Variants in PGS1 observed in about 807,000 individuals in gnomAD.
The protein encoded by PGS1 is phosphatidylglycerophosphate synthase 1.
A neutral mutation model predicts 58.3 loss-of-function variants in PGS1; 44 were observed. That is an observed-to-expected ratio of 0.75 (90% confidence interval 0.59 to 0.97). PGS1 has a LOEUF of 0.97. PGS1 is among the 50% of genes least tolerant of loss of function. The pLI is 0.00. For synonymous variants in PGS1, 330 were observed against 311.0 expected, an observed-to-expected ratio of 1.06 and a Z score of -0.64; for missense variants, 684 against 731.1, an observed-to-expected ratio of 0.94 and a Z score of 0.74.
intron 9 of PGS1, chr17:78,421,742 G>GC (rs2085772374): frequency 6.6e-6 from 1 of 152,100 alleles, no homozygotes; most frequent in South Asian, 2.1e-4. Flanking sequence ...CCACAGCCAG[G>GC]CTTAAGCAAT....
chr17:78,423,880 AGT>A (rs1251940431), intron 9 of PGS1, 179 bp from the exon 10 acceptor site: 4 of 1,612,446 alleles, frequency 2.5e-6, no homozygotes, highest in East Asian at 2.2e-5. Context: ...AGCCCCAGGG[AGT>A]GTGGGCTGTG....
intron 2 of PGS1, among the ~76,000 whole-genome samples, chr17:78,394,171 CCCAAAAAAA>C (rs1237173863): frequency 3.2e-4 from 9 of 27,812 alleles, no homozygotes; most frequent in African/African-American, 1.1e-3. Flanking sequence ...GACTCTATCT[CCCAAAAAAA>C]AAAAAAAAAA....
rs374284907 is a variant in PGS1 at position 78,392,506 on chromosome 17, G to T, written c.174G>T (p.Leu58=). Residue 58 remains leucine (L), a synonymous_variant, in exon 2 of 10, where the codon CTG becomes CTT. Transcript: ENST00000262764. The part of the protein sequence containing the change: ...RSPWLLLAPL[L]SPAVPQVTSP... ...CATGGCTGTTATTGGCTCCCTTGCT[G>T]TCCCCAGCTGTTCCCCAGGTCACCT... 2.5e-5 allele frequency: 40 copies of T among 1,613,522 alleles called. No individual in the cohort carries two copies. Among genetic ancestry groups the T allele is most frequent in the Non-Finnish European group, 3.4e-5 (40 of 1,179,820 alleles).
chr17:78,390,441 A>G (rs1208950677), intron 1 of PGS1, among the ~76,000 whole-genome samples: 4 of 152,182 alleles, frequency 2.6e-5, no homozygotes, highest in African/African-American at 4.8e-5. Flanking sequence ...TTGGCAGTGA[A>G]TCGGCAGTGA....
At position 78,419,669 on chromosome 17, in the gene PGS1, C is replaced by A; in HGVS notation, c.*4C>A. On this transcript the variant is annotated 3_prime_UTR_variant, in exon 9 of 10. Coordinates refer to ENST00000262764, the MANE Select transcript of PGS1 (RefSeq NM_024419.5). Reference sequence around the variant, plus strand: ...ACTGATCAAGAACTTCTTCTGAGGACAGACAGGTGCTGTCTCTAGCATCAC... The same window carrying A: ...ACTGATCAAGAACTTCTTCTGAGGAAAGACAGGTGCTGTCTCTAGCATCAC... 6.2e-7 allele frequency: 1 copy of A among 1,613,772 alleles called. No homozygotes were observed.
chr17:78,385,171 T>G (rs758759968), intron 1 of PGS1, among the ~76,000 whole-genome samples: 23 of 152,210 alleles, frequency 1.5e-4, no homozygotes, highest in Non-Finnish European at 2.8e-4. Context: ...CAGGCTGGAG[T>G]GCAGTGGCGC....
At chr17:78,389,379 G>T (rs1035464386) in intron 1 of PGS1, among the ~76,000 whole-genome samples, 3 of 151,986 alleles carry the variant, frequency 2.0e-5, no homozygotes, top group Admixed American at 2.0e-4. Flanking sequence ...GAGAGACAGG[G>T]TTTCACCATA....
chr17:78,399,619 G>C lies in PGS1; in HGVS notation c.701+82G>C. 4 of 1,399,798 alleles carry C rather than the reference G, an allele frequency of 2.9e-6. No individual in the cohort carries two copies. In the East Asian group the frequency reaches 9.2e-5, roughly 32 times the overall value. 86.7% of individuals were successfully genotyped at this position (1,399,798 alleles called of 1,614,324 possible). On this transcript the variant is annotated intron_variant, in intron 5 of 9. Coordinates refer to ENST00000262764, the MANE Select transcript of PGS1 (RefSeq NM_024419.5). ...GTGGAATAGGAACAGTGGGAAACCC[G>C]TTCCCCTCAGTCTTGGAGAACCTGC...
chr17:78,390,322 GGGT>G (rs145773899), intron 1 of PGS1, among the ~76,000 whole-genome samples: 2 of 87,864 alleles, frequency 2.3e-5, no homozygotes, highest in East Asian at 2.6e-4. Flanking sequence ...CTAGAGACGG[GGGT>G]GGGGGAGGAA....
chr17:78,414,776 A>C (rs2085029741), intron 7 of PGS1, 103 bp from the exon 8 acceptor site: 2 of 1,346,044 alleles, frequency 1.5e-6, no homozygotes, highest in African/African-American at 1.4e-5. Context: ...GTGTCCAGGC[A>C]CCCAGGGCAG....
chr17:78,422,853 T>C (rs1217557399), intron 9 of PGS1, among the ~76,000 whole-genome samples: 1 of 152,122 alleles, frequency 6.6e-6, no homozygotes, highest in Non-Finnish European at 1.5e-5. Flanking sequence ...CCTGGCGCTT[T>C]GGGAGGCCGA....
At chr17:78,389,622 C>CT (rs34954607) in intron 1 of PGS1, among the ~76,000 whole-genome samples, 90,884 of 150,032 alleles carry the variant, frequency 0.61, 27,593 homozygotes, top group Admixed American at 0.65. Context: ...TGCTCGGCCC[C>CT]TTTTTTTTTG....
chr17:78,403,229 C>G (rs1157617388), intron 6 of PGS1, among the ~76,000 whole-genome samples: 8 of 152,136 alleles, frequency 5.3e-5, no homozygotes, highest in Non-Finnish European at 1.2e-4. Flanking sequence ...TATGTCCCCC[C>G]CAAGGAATTA....
rs1213762276 is a variant in PGS1 at position 78,420,009 on chromosome 17, G to A, written c.*10+334G>A. On this transcript the variant is annotated intron_variant, in intron 9 of 9. Coordinates refer to ENST00000262764, the MANE Select transcript of PGS1 (RefSeq NM_024419.5). ...TGGGGCAAGGGCTCAGGGATGAGGGGGCAGAAAGGCAGATTGAGCCCCTCC... is the reference window on the plus strand; with the variant it reads ...TGGGGCAAGGGCTCAGGGATGAGGGAGCAGAAAGGCAGATTGAGCCCCTCC... 3.5e-6 allele frequency: 4 copies of A among 1,145,206 alleles called. No individual in the cohort carries two copies. The South Asian group carries it at 5.7e-5, about 16-fold the overall frequency. The allele number at this position is 1,145,206 out of a possible 1,614,324, so 70.9% of individuals were successfully genotyped here. A position where few individuals can be genotyped will look rare whatever the true frequency, so the allele number is the denominator to read the frequency against.
At chr17:78,419,820 G>T in intron 9 of PGS1, 145 bp downstream of exon 9, 1 of 1,449,038 alleles carries the variant, frequency 6.9e-7, no homozygotes, top group African/African-American at 1.4e-5. Flanking sequence ...TCAGGGGTAT[G>T]GCAGCTGTCC....
chr17:78,407,287 C>G (rs561262570), intron 7 of PGS1, among the ~76,000 whole-genome samples: 2 of 152,298 alleles, frequency 1.3e-5, no homozygotes, highest in African/African-American at 4.8e-5. Flanking sequence ...TCAGAGGTCA[C>G]TTGATGCTGA....
chr17:78,392,574 A>T lies in PGS1; in HGVS notation c.242A>T (p.Gln81Leu). 6.2e-7 allele frequency: 1 copy of T among 1,614,114 alleles called. No individual in the cohort carries two copies. The stretch of plus-strand genomic sequence containing the variant: ...TGTCCAGAAGGCGTGCACCGGTTCC[A>T]GTGGATCAGAAACCTGGTTCCAGAA... ...CLCPEGVHRF[Q>L]WIRNLVPEFG... Residue 81 changes from glutamine (Q) to leucine (L), a missense_variant, in exon 2 of 10, where the codon CAG becomes CTG. Gln to Leu is a moderately radical substitution (Grantham distance 113). Coordinates refer to ENST00000262764, the MANE Select transcript of PGS1 (RefSeq NM_024419.5).
intron 2 of PGS1, among the ~76,000 whole-genome samples, 194 bp downstream of exon 2, chr17:78,392,859 G>A (rs370508609): frequency 4.6e-5 from 7 of 152,322 alleles, no homozygotes; most frequent in South Asian, 2.1e-4. Flanking sequence ...TGGGGCCAGC[G>A]TCTCAGGTGG....
chr17:78,392,006 G>T (rs1007637865), intron 1 of PGS1, among the ~76,000 whole-genome samples: 1 of 152,208 alleles, frequency 6.6e-6, no homozygotes, highest in Non-Finnish European at 1.5e-5. Flanking sequence ...GAGTCATAAA[G>T]CGGGGCATCT....
Sources: gnomAD v4.1 joint callset for allele counts (sites outside exome capture counted in the v4.1 genomes callset) on GRCh38, gnomAD v4.1.1 for gene constraint, MANE v1.5 for transcripts, NCBI Gene and HGNC (gene_info 2026-07-23, HGNC 2026-07-21) for gene names.